Variants in CTDSPL2 observed in about 807,000 individuals in gnomAD.
The protein encoded by CTDSPL2 is CTD small phosphatase like 2.
In CTDSPL2, 5 loss-of-function variants were observed where a neutral mutation model predicts 60.0. That is an observed-to-expected ratio of 0.08 (90% CI 0.04 to 0.18). CTDSPL2 has a LOEUF of 0.18. CTDSPL2 is among the 10% of genes least tolerant of loss of function. The pLI, the probability that CTDSPL2 is intolerant of heterozygous loss-of-function variation, is 1.00. For missense variants in CTDSPL2, 370 were observed against 548.8 expected (o/e 0.67, Z 3.26); for synonymous variants, 186 against 189.3 (o/e 0.98, Z 0.14).
chr15:44,442,147 AG>A lies in CTDSPL2; in HGVS notation c.-25+14380del, dbSNP rs568326752. Among the ~76,000 whole-genome samples, 257 of 152,094 alleles carry A rather than the reference AG, an allele frequency of 1.7e-3. 1 individual carries two copies. Among genetic ancestry groups the A allele is most frequent in the African/African-American group, 6.0e-3 (249 of 41,488 alleles). ...TTCTATTTCCTGTTACGAAATTCCT[AG>A]GGGGAAAAAACATATATTGTGGCCA... On this transcript the variant is annotated intron_variant, in intron 1 of 12. Transcript: ENST00000260327.
intron 1 of CTDSPL2, among the ~76,000 whole-genome samples, chr15:44,454,373 G>C (rs1567067913): frequency 6.6e-6 from 1 of 152,018 alleles, no homozygotes; most frequent in Non-Finnish European, 1.5e-5. Flanking sequence ...CCATTCTGTA[G>C]GTTGCCTGTT....
intron 1 of CTDSPL2, among the ~76,000 whole-genome samples, chr15:44,444,238 ATGTG>A (rs1379105721): frequency 6.8e-6 from 1 of 147,702 alleles, no homozygotes; most frequent in Admixed American, 6.7e-5. Context: ...TCTTTTTGTT[ATGTG>A]TGTTTTTGTT....
intron 2 of CTDSPL2, among the ~76,000 whole-genome samples, chr15:44,463,412 G>T (rs1191802288): frequency 6.6e-6 from 1 of 152,170 alleles, no homozygotes; most frequent in Non-Finnish European, 1.5e-5. Flanking sequence ...AGAGTGCTGG[G>T]ATTACAGACA....
At chr15:44,455,951 C>A (rs1256296984) in intron 1 of CTDSPL2, among the ~76,000 whole-genome samples, 2 of 147,660 alleles carry the variant, frequency 1.4e-5, no homozygotes, top group South Asian at 2.2e-4. Flanking sequence ...CTGGGGTTCA[C>A]GCCATTCTCC....
At chr15:44,497,271 CTTAA>C (rs1595760140) in intron 7 of CTDSPL2, 133 bp downstream of exon 7, 3 of 526,252 alleles carry the variant, frequency 5.7e-6, no homozygotes, top group East Asian at 6.1e-5. Context: ...TTTGGGTCAA[CTTAA>C]TTAACCATAT....
At chr15:44,496,928 G>T in intron 6 of CTDSPL2, 99 bp from the exon 7 acceptor site, 3 of 600,120 alleles carry the variant, frequency 5.0e-6, no homozygotes, top group East Asian at 2.9e-5. Flanking sequence ...TTGTTTTCTG[G>T]GTTAACTGCT....
intron 3 of CTDSPL2, among the ~76,000 whole-genome samples, chr15:44,485,311 T>C (rs908830766): frequency 2.6e-5 from 4 of 152,154 alleles, no homozygotes; most frequent in Non-Finnish European, 5.9e-5. Flanking sequence ...AGAAGGAGAA[T>C]AGCATTAAGG....
chr15:44,466,723 T>G (rs1022927503), intron 2 of CTDSPL2, among the ~76,000 whole-genome samples: 5 of 151,282 alleles, frequency 3.3e-5, no homozygotes, highest in African/African-American at 4.9e-5. Flanking sequence ...GGCGGGCGGA[T>G]CATGAGGTCA....
intron 8 of CTDSPL2, among the ~76,000 whole-genome samples, chr15:44,506,412 C>CTTTTTTTTTTTT (rs764238056): frequency 1.7e-4 from 19 of 112,388 alleles, no homozygotes; most frequent in African/African-American, 4.7e-4. Context: ...CCTACTTTGA[C>CTTTTTTTTTTTT]TTTTTTTTTT....
At chr15:44,445,927 G>C (rs1005237316) in intron 1 of CTDSPL2, among the ~76,000 whole-genome samples, 3 of 147,412 alleles carry the variant, frequency 2.0e-5, no homozygotes, top group Admixed American at 6.9e-5. Context: ...GTGAGCCACT[G>C]TGCCTGGCCT....
At chr15:44,497,661 A>C (rs2081323881) in intron 7 of CTDSPL2, among the ~76,000 whole-genome samples, 2 of 152,040 alleles carry the variant, frequency 1.3e-5, no homozygotes, top group Admixed American at 6.6e-5. Flanking sequence ...TGAGCCACTG[A>C]GCCCGGCCCC....
At position 44,476,957 on chromosome 15, in the gene CTDSPL2, C is replaced by A. The variant is rs2140760015; in HGVS notation, c.187-7267C>A. Among the ~76,000 whole-genome samples, 4 of 152,270 alleles carry A rather than the reference C, an allele frequency of 2.6e-5. No homozygotes were observed. In the East Asian group the frequency reaches 7.7e-4, roughly 29 times the overall value. Reference sequence around the variant, plus strand: ...CACAACACAAGGTTGGGCACCATGGCTTATGCCTTTAATCCTAGGACTTTG... The same window carrying A: ...CACAACACAAGGTTGGGCACCATGGATTATGCCTTTAATCCTAGGACTTTG... On this transcript the variant is annotated intron_variant, in intron 2 of 12. Coordinates refer to ENST00000260327, the MANE Select transcript of CTDSPL2 (RefSeq NM_016396.3).
intron 8 of CTDSPL2, among the ~76,000 whole-genome samples, chr15:44,505,604 G>A (rs2081446821): frequency 6.6e-6 from 1 of 151,898 alleles, no homozygotes; most frequent in Non-Finnish European, 1.5e-5. Flanking sequence ...CGTGGTGGCA[G>A]GTGCCTGTAA....
chr15:44,457,985 T>G (rs979209301), intron 1 of CTDSPL2, among the ~76,000 whole-genome samples: 5 of 152,246 alleles, frequency 3.3e-5, no homozygotes, highest in African/African-American at 1.2e-4. Flanking sequence ...AAACAATTTC[T>G]GAGACTCTAA....
chr15:44,514,159 G>A (rs1315586110), intron 8 of CTDSPL2, among the ~76,000 whole-genome samples: 1 of 152,148 alleles, frequency 6.6e-6, no homozygotes, highest in Non-Finnish European at 1.5e-5. Context: ...GATATTTTTA[G>A]CAGGTGGTTG....
At chr15:44,512,933 A>C (rs978269164) in intron 8 of CTDSPL2, among the ~76,000 whole-genome samples, 1 of 151,990 alleles carries the variant, frequency 6.6e-6, no homozygotes, top group Admixed American at 6.6e-5. Flanking sequence ...TTAGCCAGCC[A>C]TGGTGGCCCA....
chr15:44,510,271 T>G (rs949988131), intron 8 of CTDSPL2, among the ~76,000 whole-genome samples: 5 of 152,190 alleles, frequency 3.3e-5, no homozygotes, highest in African/African-American at 1.2e-4. Flanking sequence ...GTGCTGGGAT[T>G]ACAGGCGTGA....
At position 44,514,756 on chromosome 15, in the gene CTDSPL2, A is replaced by T. The variant is rs1171271771; in HGVS notation, c.1033-9A>T. ...TATAATGATTACTTCTTTTCCCCTG[A>T]ATTTATAGATCATTCTTTTTACTGC... On this transcript the variant is annotated splice_polypyrimidine_tract_variant and intron_variant, in intron 9 of 12. Transcript: ENST00000260327. 6.3e-7 allele frequency: 1 copy of T among 1,595,720 alleles called. No homozygotes were observed. Among genetic ancestry groups the T allele is most frequent in the Admixed American group, 1.7e-5 (1 of 59,334 alleles).
intron 1 of CTDSPL2, among the ~76,000 whole-genome samples, chr15:44,453,346 T>C (rs1022244914): frequency 6.6e-6 from 1 of 152,208 alleles, no homozygotes; most frequent in East Asian, 1.9e-4. Context: ...ATTTTTAATA[T>C]GAAAGGGTGT....
Sources: allele counts gnomAD v4.1 joint callset (sites outside exome capture counted in the v4.1 genomes callset), GRCh38; gene constraint gnomAD v4.1.1; transcripts MANE v1.5; gene names NCBI Gene and HGNC (gene_info 2026-07-23, HGNC 2026-07-21).